The following CDK14 variants were observed in gnomAD, a reference collection of about 807,000 sequenced individuals.
CDK14 encodes cyclin-dependent kinase 14.
In CDK14, 34 loss-of-function variants were observed where a neutral mutation model predicts 60.7. The ratio of observed to expected loss-of-function variants is 0.56; its 90% CI spans 0.43 to 0.75. The LOEUF (loss-of-function observed/expected upper bound fraction) is 0.75. CDK14 is among the 30% of genes least tolerant of loss of function. The probability of loss-of-function intolerance (pLI) is 0.00; values close to 1 mark genes in which losing one functional copy is unlikely to be tolerated. For synonymous variants in CDK14, 197 were observed against 203.7 expected, an observed-to-expected ratio of 0.97 and a Z score of 0.28; for missense variants, 482 against 564.1, an observed-to-expected ratio of 0.85 and a Z score of 1.47.
chr7:90,881,775 C>T (rs1032955583), intron 6 of CDK14, among the ~76,000 whole-genome samples: 1 of 152,102 alleles, frequency 6.6e-6, no homozygotes, highest in East Asian at 1.9e-4. Flanking sequence ...AGATTGGAGG[C>T]CAATATTCAA....
intron 2 of CDK14, among the ~76,000 whole-genome samples, chr7:90,649,252 C>CTTTCTTTCTTTGTTTCTTTGTTTCTTTG (rs1800538383): frequency 4.4e-5 from 2 of 45,396 alleles, no homozygotes; most frequent in African/African-American, 1.6e-4. Flanking sequence ...TTCTTTCTTT[C>CTTTCTTTCTTTGTTTCTTTGTTTCTTTG]TTTCTTTCTT....
intron 4 of CDK14, among the ~76,000 whole-genome samples, chr7:90,771,287 C>G (rs1386199886): frequency 6.6e-6 from 1 of 152,170 alleles, no homozygotes; most frequent in Non-Finnish European, 1.5e-5. Flanking sequence ...TGCTTGGTAT[C>G]TCTTTTAGTT....
chr7:91,163,168 G>A (rs1048045178), intron 14 of CDK14, among the ~76,000 whole-genome samples: 1 of 152,216 alleles, frequency 6.6e-6, no homozygotes, highest in Non-Finnish European at 1.5e-5. Flanking sequence ...GCTTGTAGTA[G>A]GTGAAAGCAG....
At chr7:90,765,048 C>A (rs1804497428) in intron 4 of CDK14, among the ~76,000 whole-genome samples, 1 of 152,156 alleles carries the variant, frequency 6.6e-6, no homozygotes, top group Non-Finnish European at 1.5e-5. Context: ...GAAAGACAAG[C>A]CCCTGGGGAA....
chr7:90,608,635 A>G (rs1324562620), intron 2 of CDK14: 12 of 614,742 alleles, frequency 2.0e-5, no homozygotes, highest in Non-Finnish European at 2.2e-5. Context: ...AGAATTTCAT[A>G]TGTTTATGGC....
At chr7:90,818,248 G>A (rs1789424910) in intron 5 of CDK14, among the ~76,000 whole-genome samples, 2 of 152,134 alleles carry the variant, frequency 1.3e-5, no homozygotes, top group Non-Finnish European at 2.9e-5. Flanking sequence ...TTAAGTCCTG[G>A]AAAAATGGAT....
intron 2 of CDK14, chr7:90,608,599 A>G: frequency 9.6e-6 from 9 of 939,194 alleles, no homozygotes; most frequent in Non-Finnish European, 1.1e-5. Flanking sequence ...AATTTTTAGC[A>G]ATTAGAATAA....
At chr7:91,110,513 T>C (rs1799440200) in intron 12 of CDK14, among the ~76,000 whole-genome samples, 1 of 152,142 alleles carries the variant, frequency 6.6e-6, no homozygotes, top group South Asian at 2.1e-4. Flanking sequence ...TATTTTTCAA[T>C]AGATGAGAAA....
chr7:91,084,308 G>A (rs1798568133), intron 12 of CDK14, among the ~76,000 whole-genome samples: 1 of 152,186 alleles, frequency 6.6e-6, no homozygotes, highest in Non-Finnish European at 1.5e-5. Flanking sequence ...TAGATTTCAT[G>A]CAGCCAGGAG....
chr7:90,668,032 A>G (rs2116522784), intron 2 of CDK14, among the ~76,000 whole-genome samples: 1 of 152,096 alleles, frequency 6.6e-6, no homozygotes, highest in East Asian at 1.9e-4. Flanking sequence ...GTATGTTTTA[A>G]TTTTTCTTAG....
chr7:91,117,620 A>G lies in CDK14; in HGVS notation c.1295-445A>G, dbSNP rs551220025. On this transcript the variant is annotated intron_variant, in intron 13 of 14. Coordinates refer to ENST00000380050, the MANE Select transcript of CDK14 (RefSeq NM_001287135.2). ...AACATTTACCACTATTTAATATATT[A>G]TATCTGTTTGGTTGCTTATTGCCTG... Among the ~76,000 whole-genome samples the G allele has an allele frequency of 2.0e-5, 3 of 152,152 alleles. No homozygotes were observed. In the South Asian group the frequency reaches 6.2e-4, roughly 32 times the overall value.
chr7:90,793,327 C>T (rs1016550860), intron 5 of CDK14, among the ~76,000 whole-genome samples: 2 of 152,138 alleles, frequency 1.3e-5, no homozygotes, highest in Admixed American at 6.5e-5. Flanking sequence ...TATGTGGTAG[C>T]ATATTAATGC....
intron 4 of CDK14, among the ~76,000 whole-genome samples, chr7:90,763,478 T>C (rs1257788139): frequency 2.6e-5 from 4 of 152,188 alleles, no homozygotes; most frequent in Non-Finnish European, 5.9e-5. Flanking sequence ...AAACCCCGTA[T>C]AGAGTTTGGT....
chr7:90,808,492 G>A (rs1490909879), intron 5 of CDK14, among the ~76,000 whole-genome samples: 2 of 152,164 alleles, frequency 1.3e-5, no homozygotes, highest in Non-Finnish European at 2.9e-5. Flanking sequence ...GGAACAACTG[G>A]TAACAGCCAC....
chr7:91,147,178 A>C (rs866291608), intron 14 of CDK14, among the ~76,000 whole-genome samples: 1 of 96,644 alleles, frequency 1.0e-5, no homozygotes, highest in East Asian at 2.1e-4. Context: ...ACACACACAC[A>C]CACACACACA....
At chr7:90,686,514 C>T (rs949618718) in intron 2 of CDK14, among the ~76,000 whole-genome samples, 3 of 152,056 alleles carry the variant, frequency 2.0e-5, no homozygotes, top group African/African-American at 7.2e-5. Context: ...TTGAGAAGCT[C>T]CTGGAGGACA....
intron 3 of CDK14, among the ~76,000 whole-genome samples, chr7:90,733,350 G>A (rs1802950471): frequency 6.6e-6 from 1 of 152,086 alleles, no homozygotes; most frequent in Non-Finnish European, 1.5e-5. Flanking sequence ...TATCATTTAG[G>A]TCTGTTTGGT....
intron 2 of CDK14, among the ~76,000 whole-genome samples, chr7:90,691,865 C>T (rs760718562): frequency 6.6e-6 from 1 of 152,104 alleles, no homozygotes; most frequent in Non-Finnish European, 1.5e-5. Flanking sequence ...TTAGAGTTAT[C>T]AAGGCATTGA....
chr7:90,899,282 C>T lies in CDK14; in HGVS notation c.640-9C>T. 1 of 1,593,388 alleles carries T rather than the reference C, an allele frequency of 6.3e-7. No homozygotes were observed. The highest frequency in any genetic ancestry group is 1.8e-5 in the Admixed American group (1 of 56,636). ...GGGTTATTAATACATTTTTCCTTTT[C>T]TTTTCTAGCACACTGATTTATGTCA... On this transcript the variant is annotated splice_polypyrimidine_tract_variant and intron_variant, in intron 6 of 14. Coordinates refer to ENST00000380050, the MANE Select transcript of CDK14 (RefSeq NM_001287135.2).
Sources: gnomAD v4.1 joint callset for allele counts (sites outside exome capture counted in the v4.1 genomes callset) on GRCh38, gnomAD v4.1.1 for gene constraint, MANE v1.5 for transcripts, NCBI Gene and HGNC (gene_info 2026-07-23, HGNC 2026-07-21) for gene names.